Variants in APBB3 observed in about 807,000 individuals in gnomAD.
APBB3 encodes the protein amyloid beta precursor protein binding family B member 3.
APBB3 carries 50 observed loss-of-function variants against 61.5 expected under a neutral mutation model. That is an observed-to-expected ratio of 0.81 (90% confidence interval 0.65 to 1.03). The LOEUF (loss-of-function observed/expected upper bound fraction) is 1.03. Among genes scored for constraint, APBB3 ranks in the 50% least tolerant of loss-of-function variants. APBB3 has a pLI of 0.00. For missense variants in APBB3, 550 were observed against 637.4 expected, an observed-to-expected ratio of 0.86 and a Z score of 1.48; for synonymous variants, 235 against 233.0, an observed-to-expected ratio of 1.01 and a Z score of -0.08.
rs1404052328 is a variant in APBB3 at position 140,564,261 on chromosome 5, C to T, written c.-16G>A. ...TGCCCAGCATAACCCCGGCTGCTCC[C>T]CGCCAGCCTCTGCCGGCCCGCACTC... On this transcript the variant is annotated 5_prime_UTR_variant, in exon 1 of 13. Coordinates refer to ENST00000357560, the MANE Select transcript of APBB3 (RefSeq NM_133173.3). The surrounding 1 kb of genome is among the most constrained non-coding windows in gnomAD (Gnocchi z 5.0). The T allele has an allele frequency of 6.2e-7, 1 of 1,607,690 alleles. No homozygotes were observed. Among genetic ancestry groups the T allele is most frequent in the Non-Finnish European group, 8.5e-7 (1 of 1,179,938 alleles).
intron 5 of APBB3, 49 bp from the exon 6 acceptor site, chr5:140,562,276 T>C: frequency 6.2e-7 from 1 of 1,611,156 alleles, no homozygotes; most frequent in Non-Finnish European, 8.5e-7. Flanking sequence ...GTCATTGCCA[T>C]GAGAAATAGG....
At chr5:140,563,988 C>G in intron 1 of APBB3, 73 bp from the exon 2 acceptor site, 1 of 1,556,402 alleles carries the variant, frequency 6.4e-7, no homozygotes, top group Middle Eastern at 1.7e-4. Context: ...GTCATAATCC[C>G]CTCTCCATCC....
At chr5:140,562,568 C>T (rs1755012229) in intron 4 of APBB3, 69 bp from the exon 5 acceptor site, 1 of 1,608,784 alleles carries the variant, frequency 6.2e-7, no homozygotes, top group South Asian at 1.1e-5. Flanking sequence ...ACAATACATA[C>T]TCCCTGTCTT....
Position 140,558,608 on chromosome 5 carries a change from G to A in APBB3, c.1438C>T (p.Pro480Ser). Reference protein sequence around the residue: ...FSFLDAFRLKPSLLHMP With the variant: ...FSFLDAFRLKSSLLHMP ...GTTTAGGGCATATGGAGCAGAGAGG[G>A]TTTCAGCCGGAAGGCATCAAGAAAA... The change falls in exon 13 of 13, where the codon CCC becomes TCC. Residue 480 changes from proline (P) to serine (S), a missense_variant. By Grantham distance (74) the Pro-to-Ser change is moderately conservative. Transcript: ENST00000357560. 6.2e-7 allele frequency: 1 copy of A among 1,614,200 alleles called. No individual in the cohort carries two copies. Among genetic ancestry groups the A allele is most frequent in the Non-Finnish European group, 8.5e-7 (1 of 1,180,038 alleles).
chr5:140,559,874 T>C (rs1409020910), intron 12 of APBB3, among the ~76,000 whole-genome samples: 2 of 152,260 alleles, frequency 1.3e-5, no homozygotes, highest in Admixed American at 1.3e-4. Context: ...AGCTATGGTG[T>C]CTGGGACCCT....
chr5:140,563,905 C>G lies in APBB3; in HGVS notation c.60G>C (p.Trp20Cys), dbSNP rs773971348. The change falls in exon 2 of 13, where the codon TGG (tryptophan) becomes TGC (cysteine). Residue 20 changes from tryptophan (W) to cysteine (C), a missense_variant. Physicochemically the swap from Trp to Cys is radical, Grantham distance 215. Around this residue, in one of 3 missense-constraint regions of APBB3, gnomAD observed 405 missense variants for 483.4 expected, o/e 0.84. Transcript: ENST00000357560. ...IILVNCDDDLWGDHSLEVEAG... is the reference protein window; with the variant it reads ...IILVNCDDDLCGDHSLEVEAG... ...CCTCCACCTCCAGACTGTGGTCCCC[C>G]CACAAGTCATCTACAGGAACACCGG... 1 of 1,613,600 alleles carries G rather than the reference C, an allele frequency of 6.2e-7. No individual in the cohort carries two copies. The highest frequency in any genetic ancestry group is 1.1e-5 in the South Asian group (1 of 91,070).
At chr5:140,563,966 G>A in intron 1 of APBB3, 51 bp from the exon 2 acceptor site, 1 of 1,594,512 alleles carries the variant, frequency 6.3e-7, no homozygotes, top group Non-Finnish European at 8.5e-7. Context: ...TGTGAGTTCA[G>A]AATAACATGC....
rs1318229265 is a variant in APBB3 at position 140,564,482 on chromosome 5, G to A, written c.-237C>T. 5.2e-6 allele frequency: 3 copies of A among 581,516 alleles called. No individual in the cohort carries two copies. Among genetic ancestry groups the A allele is most frequent in the Non-Finnish European group, 9.1e-6 (3 of 330,030 alleles). 36.0% of individuals were successfully genotyped at this position (581,516 alleles called of 1,614,324 possible). The stretch of plus-strand genomic sequence containing the variant: ...TAAACGGGCGTCTGGATCCCCGAAT[G>A]GTTGCGTGTTTCCGTGTGTGGGTCC... On this transcript the variant is annotated 5_prime_UTR_variant, in exon 1 of 13. Transcript: ENST00000357560. The surrounding 1 kb of genome is among the most constrained non-coding windows in gnomAD (Gnocchi z 5.0).
In APBB3 at chr5:140,563,278, AG is replaced by A. The variant is rs1406149243; in HGVS notation, c.290+315del. The A allele has an allele frequency of 1.9e-5, 8 of 410,904 alleles. No individual in the cohort carries two copies. The South Asian group carries it at 2.1e-4, about 11-fold the overall frequency. 25.5% of individuals were successfully genotyped at this position (410,904 alleles called of 1,614,324 possible). On this transcript the variant is annotated intron_variant, in intron 3 of 12. Coordinates refer to ENST00000357560, the MANE Select transcript of APBB3 (RefSeq NM_133173.3). The stretch of plus-strand genomic sequence containing the variant: ...AAAAATAAAAGTCACAAAATAGAAC[AG>A]GGTCCAATATGTGGACCAGAACCCC...
Position 140,558,763 on chromosome 5 carries a change from T to C in APBB3, c.1283A>G (p.Gln428Arg), listed in dbSNP as rs778410690. The change falls in exon 13 of 13, where the codon CAG becomes CGG. Residue 428 changes from glutamine (Q) to arginine (R), a missense_variant. Gln to Arg is a conservative substitution (Grantham distance 43). Coordinates refer to ENST00000357560, the MANE Select transcript of APBB3 (RefSeq NM_133173.3). ...CTTGAGCCGCAGGCGGGCACGGGCC[T>C]GGGCACCCCAGGCCTTGCCTCGAGC... is the stretch of plus-strand genomic sequence containing the variant. ...SAARGKAWGA[Q>R]ARARLRLKRT... 5.6e-6 allele frequency: 9 copies of C among 1,608,314 alleles called. 1 individual carries two copies. In the South Asian group the frequency reaches 6.6e-5, roughly 12 times the overall value.
chr5:140,561,946 C>T (rs1581406154), intron 6 of APBB3, 97 bp from the exon 7 acceptor site: 2 of 1,611,568 alleles, frequency 1.2e-6, no homozygotes, highest in Non-Finnish European at 1.7e-6. Flanking sequence ...CCCTCCCCAA[C>T]CAGGGCTGGA....
At chr5:140,561,737 G>C in intron 7 of APBB3, 36 bp from the exon 8 acceptor site, 1 of 1,614,102 alleles carries the variant, frequency 6.2e-7, no homozygotes, top group Non-Finnish European at 8.5e-7. Flanking sequence ...GGTAGAAGCT[G>C]GTTAGAGGCA....
Position 140,560,259 on chromosome 5 carries a change from A to G in APBB3, c.1224+54T>C, listed in dbSNP as rs375851124. ...CTGCCGACCCGGAGCCCAAGTAAAC[A>G]GTGGAGAGCAGCTGCAGGGCAATCC... On this transcript the variant is annotated intron_variant, in intron 12 of 12. Transcript: ENST00000357560. The surrounding 1 kb of genome is among the most constrained non-coding windows in gnomAD (Gnocchi z 5.1). The G allele has an allele frequency of 3.8e-6, 6 of 1,566,888 alleles. No homozygotes were observed. Among genetic ancestry groups the G allele is most frequent in the East Asian group, 4.5e-5 (2 of 44,032 alleles).
chr5:140,561,536 C>G (rs1754953724), intron 8 of APBB3, 51 bp downstream of exon 8: 2 of 1,613,514 alleles, frequency 1.2e-6, no homozygotes, highest in African/African-American at 2.7e-5. Flanking sequence ...ACCTTGGAAG[C>G]TTCAGACCCA....
At chr5:140,558,938 C>A in intron 12 of APBB3, 117 bp from the exon 13 acceptor site, 1 of 891,508 alleles carries the variant, frequency 1.1e-6, no homozygotes, top group Non-Finnish European at 1.8e-6. Flanking sequence ...TGGTAGTCAG[C>A]CACATGTGGA....
rs140070711 is a variant in APBB3 at position 140,562,130 on chromosome 5, C to T, written c.596G>A (p.Arg199His). 94 of 1,614,072 alleles carry T rather than the reference C, an allele frequency of 5.8e-5. No homozygotes were observed. The highest frequency in any genetic ancestry group is 7.5e-5 in the Non-Finnish European group (88 of 1,180,016). ...LIHCQPLVHIRVWGVGSSKGR... is the reference protein window; with the variant it reads ...LIHCQPLVHIHVWGVGSSKGR... ...CTTGGAGCTCCCCACGCCCCACACA[C>T]GGATGTGCACCAGAGGCTGGCAGTG... Residue 199 changes from arginine (R) to histidine (H), a missense_variant, in exon 6 of 13, where the codon CGT becomes CAT. Transcript: ENST00000357560.
At position 140,564,488 on chromosome 5, in the gene APBB3, G is replaced by C. The variant is rs1755126548; in HGVS notation, c.-243C>G. Reference sequence around the variant, plus strand: ...GGCGTCTGGATCCCCGAATGGTTGCGTGTTTCCGTGTGTGGGTCCGGGGGA... The same window carrying C: ...GGCGTCTGGATCCCCGAATGGTTGCCTGTTTCCGTGTGTGGGTCCGGGGGA... On this transcript the variant is annotated 5_prime_UTR_variant, in exon 1 of 13. Coordinates refer to ENST00000357560, the MANE Select transcript of APBB3 (RefSeq NM_133173.3). This position sits in a 1 kb window ranked among gnomAD's most constrained non-coding sequence, Gnocchi z 5.0. 15 of 578,468 alleles carry C rather than the reference G, an allele frequency of 2.6e-5. No individual in the cohort carries two copies. The East Asian group carries it at 4.4e-4, about 17-fold the overall frequency. 35.8% of individuals were successfully genotyped at this position (578,468 alleles called of 1,614,324 possible).
rs780327571 is a variant in APBB3, at chr5:140,561,414, G to A, written c.783C>T (p.Ala261=). The change falls in exon 9 of 13, where the codon GCC becomes GCT. Residue 261 remains alanine (A), a synonymous_variant. Coordinates refer to ENST00000357560, the MANE Select transcript of APBB3 (RefSeq NM_133173.3). ...AGATGGGGTCTGGGGAGCAGCAAGAGGCATCACCACTGACCTCTACTCGCT... is the reference window on the plus strand; with the variant it reads ...AGATGGGGTCTGGGGAGCAGCAAGAAGCATCACCACTGACCTCTACTCGCT... The part of the protein sequence containing the change: ...LSERVEVSGD[A]SCCSPDPISP... 57 of 1,614,148 alleles carry A rather than the reference G, an allele frequency of 3.5e-5. No homozygotes were observed. The East Asian group carries it at 1.3e-3, about 36-fold the overall frequency.
rs760112419 is a variant in APBB3, at chr5:140,560,711, C to T, written c.960G>A (p.Arg320=). The change falls in exon 11 of 13, where the codon AGG becomes AGA. Residue 320 remains arginine, a synonymous_variant. Transcript: ENST00000357560. The surrounding 1 kb of genome is among the most constrained non-coding windows in gnomAD (Gnocchi z 5.1). ...TGGGGACCCAGGCATTCCGGTCCCC[C>T]CTGGCGGTGAGGGTACCAATGGCCT... ...LNEAIGTLTA[R]GDRNAWVPTM... The T allele has an allele frequency of 7.4e-6, 12 of 1,614,158 alleles. No homozygotes were observed. Among genetic ancestry groups the T allele is most frequent in the Middle Eastern group, 3.3e-4 (2 of 6,060 alleles).
Sources: allele counts gnomAD v4.1 joint callset (sites outside exome capture counted in the v4.1 genomes callset), GRCh38; gene constraint gnomAD v4.1.1; regional missense constraint gnomAD v4.1.1; non-coding constraint Gnocchi (gnomAD v3.1); transcripts MANE v1.5; gene names NCBI Gene and HGNC (gene_info 2026-07-23, HGNC 2026-07-21).